SLC24A4: variants seen among roughly 807,000 people sequenced by gnomAD.
SLC24A4 encodes the protein solute carrier family 24 member 4.
In SLC24A4, 53 loss-of-function variants were observed where a neutral mutation model predicts 79.0. The ratio of observed to expected loss-of-function variants is 0.67; its 90% confidence interval spans 0.54 to 0.84. SLC24A4 has a LOEUF of 0.84. Among genes scored for constraint, SLC24A4 ranks in the 40% least tolerant of loss-of-function variants. The pLI, the probability that SLC24A4 is intolerant of heterozygous loss-of-function variation, is 0.00. For missense variants in SLC24A4, 731 were observed against 822.0 expected (o/e 0.89, Z 1.35); for synonymous variants, 323 against 323.8 (o/e 1.00, Z 0.03).
intron 2 of SLC24A4, among the ~76,000 whole-genome samples, chr14:92,391,972 C>T (rs924350608): frequency 6.6e-6 from 1 of 152,176 alleles, no homozygotes; most frequent in Non-Finnish European, 1.5e-5. Flanking sequence ...CTTCCTGACC[C>T]CAGCTCTACG....
intron 2 of SLC24A4, among the ~76,000 whole-genome samples, chr14:92,364,094 CA>C (rs897181014): frequency 6.6e-6 from 1 of 152,212 alleles, no homozygotes; most frequent in African/African-American, 2.4e-5. Flanking sequence ...GCATTCCCCC[CA>C]CTCTCAGGCA....
chr14:92,341,089 A>C (rs1373760751), intron 2 of SLC24A4, among the ~76,000 whole-genome samples: 1 of 152,168 alleles, frequency 6.6e-6, no homozygotes, highest in Non-Finnish European at 1.5e-5. Flanking sequence ...CCGAAAGAGG[A>C]TGCATCACAC....
At chr14:92,384,376 G>C (rs968830571) in intron 2 of SLC24A4, among the ~76,000 whole-genome samples, 10 of 151,962 alleles carry the variant, frequency 6.6e-5, no homozygotes, top group Non-Finnish European at 1.3e-4. Context: ...GTAATGCCCT[G>C]ATGTTTTTTT....
chr14:92,460,952 A>G (rs1164198889), intron 12 of SLC24A4, among the ~76,000 whole-genome samples: 2 of 152,120 alleles, frequency 1.3e-5, no homozygotes, highest in African/African-American at 4.8e-5. Flanking sequence ...CCCACTTTAG[A>G]CTGCAGAGGC....
intron 12 of SLC24A4, among the ~76,000 whole-genome samples, chr14:92,467,529 AGACTAGT>A (rs1268558325): frequency 1.3e-4 from 20 of 152,236 alleles, no homozygotes; most frequent in African/African-American, 4.8e-4. Context: ...GGGAATTTTT[AGACTAGT>A]TTTCTTATAT....
intron 2 of SLC24A4, among the ~76,000 whole-genome samples, chr14:92,374,939 T>G (rs1159579609): frequency 6.6e-6 from 1 of 152,218 alleles, no homozygotes. Flanking sequence ...TGTCAACAGA[T>G]TAAAGAGGCC....
chr14:92,482,961 A>G, intron 13 of SLC24A4, 115 bp downstream of exon 13: 1 of 996,156 alleles, frequency 1.0e-6, no homozygotes. Context: ...CACTGGCCTC[A>G]CTGACCACAG....
At chr14:92,366,913 C>T (rs1296790084) in intron 2 of SLC24A4, among the ~76,000 whole-genome samples, 2 of 152,170 alleles carry the variant, frequency 1.3e-5, no homozygotes, top group East Asian at 3.9e-4. Flanking sequence ...GGTCATACAA[C>T]TAGTAAGGGC....
chr14:92,418,003 G>C (rs1315273619), intron 2 of SLC24A4, among the ~76,000 whole-genome samples: 1 of 152,234 alleles, frequency 6.6e-6, no homozygotes, highest in Non-Finnish European at 1.5e-5. Flanking sequence ...GGAACTGTCT[G>C]CTGTGTGCAA....
chr14:92,400,202 A>T (rs141146032), intron 2 of SLC24A4, among the ~76,000 whole-genome samples: 2,134 of 152,280 alleles, frequency 0.014, 39 homozygotes, highest in Admixed American at 0.059. Context: ...GCACTTTGGG[A>T]GGCCAAGGCG....
intron 2 of SLC24A4, chr14:92,408,377 G>C (rs558857437): frequency 6.4e-5 from 63 of 985,304 alleles, no homozygotes; most frequent in Admixed American, 4.3e-4. Flanking sequence ...AGAATAGCAA[G>C]CAATAAGTGC....
chr14:92,380,325 C>T (rs746737047), intron 2 of SLC24A4, among the ~76,000 whole-genome samples: 3 of 152,188 alleles, frequency 2.0e-5, no homozygotes, highest in Non-Finnish European at 4.4e-5. Context: ...GCCTTCCTTC[C>T]TGATCCCTCA....
At chr14:92,469,189 CTCATACATTGCTGG>C (rs1894297628) in intron 12 of SLC24A4, among the ~76,000 whole-genome samples, 1 of 152,070 alleles carries the variant, frequency 6.6e-6, no homozygotes, top group Non-Finnish European at 1.5e-5. Flanking sequence ...AATTGGAGCC[CTCATACATTGCTGG>C]TGGAAATGTA....
At chr14:92,388,783 A>G (rs1889307944) in intron 2 of SLC24A4, among the ~76,000 whole-genome samples, 1 of 152,192 alleles carries the variant, frequency 6.6e-6, no homozygotes, top group African/African-American at 2.4e-5. Context: ...TGTTGAGACT[A>G]GCAGGTATGC....
chr14:92,456,754 A>G, intron 12 of SLC24A4, 146 bp downstream of exon 12: 1 of 839,066 alleles, frequency 1.2e-6, no homozygotes, highest in Non-Finnish European at 1.9e-6. Flanking sequence ...TGGAATGCTT[A>G]GGAGGCGAAT....
intron 3 of SLC24A4, among the ~76,000 whole-genome samples, chr14:92,434,601 G>A (rs1349219191): frequency 3.3e-5 from 5 of 152,116 alleles, no homozygotes; most frequent in South Asian, 2.1e-4. Flanking sequence ...AGTCAGTCAC[G>A]TGGGCATGAG....
At chr14:92,459,271 C>G (rs1472175336) in intron 12 of SLC24A4, among the ~76,000 whole-genome samples, 1 of 152,228 alleles carries the variant, frequency 6.6e-6, no homozygotes, top group East Asian at 1.9e-4. Context: ...TTCGCCTTGT[C>G]CTTGTACTGG....
In SLC24A4 at chr14:92,438,428, A is replaced by C. The variant is rs1301639540; in HGVS notation, c.319-907A>C. Among the ~76,000 whole-genome samples, 5 of 151,178 alleles carry C rather than the reference A, an allele frequency of 3.3e-5. No homozygotes were observed. The East Asian group carries it at 7.8e-4, about 24-fold the overall frequency. On this transcript the variant is annotated intron_variant, in intron 3 of 16. Transcript: ENST00000532405. Reference sequence around the variant, plus strand: ...AAACCAGCCTGGAAAACATAGTGAGACTCCCCCCGCCATCTCTACAAAAAT... The same window carrying C: ...AAACCAGCCTGGAAAACATAGTGAGCCTCCCCCCGCCATCTCTACAAAAAT...
At position 92,454,047 on chromosome 14, in the gene SLC24A4, C is replaced by T; in HGVS notation, c.1028C>T (p.Ala343Val). ...KFGPRTRLRMASRIIINERQR... is the reference protein window; with the variant it reads ...KFGPRTRLRMVSRIIINERQR... ...GGACCCAGGACCCGACTACGGATGG[C>T]CAGCAGGATCATCATTAATGAGGTG... Residue 343 changes from alanine to valine, a missense_variant, in exon 11 of 17, where the codon GCC (alanine) becomes GTC (valine). Physicochemically the swap from Ala to Val is moderately conservative, Grantham distance 64. Coordinates refer to ENST00000532405, the MANE Select transcript of SLC24A4 (RefSeq NM_153646.4). The T allele has an allele frequency of 6.2e-7, 1 of 1,612,918 alleles. No individual in the cohort carries two copies. The highest frequency in any genetic ancestry group is 2.2e-5 in the East Asian group (1 of 44,772).
Sources: gnomAD v4.1 joint callset for allele counts (sites outside exome capture counted in the v4.1 genomes callset) on GRCh38, gnomAD v4.1.1 for gene constraint, MANE v1.5 for transcripts, NCBI Gene and HGNC (gene_info 2026-07-23, HGNC 2026-07-21) for gene names.